CRISPLD2: variants seen among roughly 807,000 people sequenced by gnomAD.
CRISPLD2 encodes the protein cysteine-rich secretory protein LCCL domain-containing 2.
Under a neutral mutation model 71.1 loss-of-function variants are expected in CRISPLD2, and 47 were observed. The ratio of observed to expected loss-of-function variants is 0.66; its 90% CI spans 0.52 to 0.84. CRISPLD2 has a LOEUF of 0.84. Ranked by LOEUF, CRISPLD2 falls within the 40% of genes least tolerant of loss-of-function variation. The pLI, the probability that CRISPLD2 is intolerant of heterozygous loss-of-function variation, is 0.00. For missense variants in CRISPLD2, 830 were observed against 651.1 expected (o/e 1.27, Z -2.99); for synonymous variants, 317 against 250.1 (o/e 1.27, Z -2.52).
intron 1 of CRISPLD2, chr16:84,828,869 A>G (rs1158815691): frequency 6.6e-6 from 1 of 152,116 alleles, no homozygotes; most frequent in Non-Finnish European, 1.5e-5. Context: ...TTTTTTGCTC[A>G]ATTAAGCATC....
intron 6 of CRISPLD2, among the ~76,000 whole-genome samples, chr16:84,857,883 C>G (rs1309827136): frequency 6.6e-6 from 1 of 152,184 alleles, no homozygotes; most frequent in East Asian, 1.9e-4. Context: ...CACACATATG[C>G]CACTTCCATT....
intron 1 of CRISPLD2, among the ~76,000 whole-genome samples, chr16:84,825,086 G>A (rs982882815): frequency 6.6e-5 from 10 of 152,150 alleles, no homozygotes; most frequent in African/African-American, 2.4e-4. Context: ...CAGCCTGGGT[G>A]ACGGAGCGAG....
intron 1 of CRISPLD2, among the ~76,000 whole-genome samples, chr16:84,828,484 A>G (rs575961095): frequency 1.3e-5 from 2 of 152,224 alleles, no homozygotes; most frequent in Admixed American, 6.5e-5. Context: ...ATTCTTCTCT[A>G]TGCCTTTCCT....
At chr16:84,869,881 C>T (rs2071450791) in intron 8 of CRISPLD2, among the ~76,000 whole-genome samples, 1 of 152,212 alleles carries the variant, frequency 6.6e-6, no homozygotes, top group Admixed American at 6.5e-5. Flanking sequence ...AAGGTGAGCA[C>T]GTATTGGAGA....
intron 1 of CRISPLD2, among the ~76,000 whole-genome samples, chr16:84,829,890 C>T (rs1916444625): frequency 6.6e-6 from 1 of 152,270 alleles, no homozygotes; most frequent in Non-Finnish European, 1.5e-5. Context: ...GCGGCAGCCC[C>T]TTCCTCATCC....
At chr16:84,877,854 A>T (rs897757171) in intron 12 of CRISPLD2, among the ~76,000 whole-genome samples, 7 of 151,676 alleles carry the variant, frequency 4.6e-5, no homozygotes, top group Non-Finnish European at 8.8e-5. Context: ...GTCCCAAAAT[A>T]AATAAAATAC....
chr16:84,895,385 T>C (rs141821294), intron 14 of CRISPLD2, among the ~76,000 whole-genome samples: 2 of 152,308 alleles, frequency 1.3e-5, no homozygotes, highest in East Asian at 1.9e-4. Flanking sequence ...TGCCAAGATA[T>C]ACTTGTTCCT....
intron 6 of CRISPLD2, among the ~76,000 whole-genome samples, chr16:84,862,350 A>C (rs528332431): frequency 6.6e-6 from 1 of 152,020 alleles, no homozygotes; most frequent in African/African-American, 2.4e-5. Flanking sequence ...CTATAGGCAC[A>C]TGCCACCATG....
intron 11 of CRISPLD2, among the ~76,000 whole-genome samples, chr16:84,875,136 G>A (rs1353921081): frequency 1.3e-5 from 2 of 152,078 alleles, no homozygotes; most frequent in African/African-American, 4.8e-5. Context: ...AGCTACTTCG[G>A]AGTCTGAGAT....
intron 9 of CRISPLD2, 145 bp from the exon 10 acceptor site, chr16:84,872,847 C>G (rs1391276223): frequency 1.3e-5 from 13 of 1,024,182 alleles, no homozygotes; most frequent in African/African-American, 1.6e-5. Flanking sequence ...TGGTTACAGA[C>G]AGAGGCGAGA....
At chr16:84,867,323 G>C (rs1917569271) in intron 7 of CRISPLD2, among the ~76,000 whole-genome samples, 2 of 152,194 alleles carry the variant, frequency 1.3e-5, no homozygotes, top group African/African-American at 4.8e-5. Flanking sequence ...CTTTCAAAAG[G>C]GACCTGGGCT....
At position 84,868,928 on chromosome 16, in the gene CRISPLD2, C is replaced by A. The variant is rs1345662475; in HGVS notation, c.914+17C>A. The A allele has an allele frequency of 1.3e-6, 2 of 1,525,494 alleles. No homozygotes were observed. Among genetic ancestry groups the A allele is most frequent in the South Asian group, 1.2e-5 (1 of 85,288 alleles). 94.5% of individuals were successfully genotyped at this position (1,525,494 alleles called of 1,614,324 possible). A position where few individuals can be genotyped will look rare whatever the true frequency, so the allele number is the denominator to read the frequency against. On this transcript the variant is annotated intron_variant, in intron 8 of 14. Coordinates refer to ENST00000262424, the MANE Select transcript of CRISPLD2 (RefSeq NM_031476.4). ...GTGTAACAGGTGAGCCTGTGCTGGGCTGTCCTGCCACTGTAGCCTCTGAGT... is the reference window on the plus strand; with the variant it reads ...GTGTAACAGGTGAGCCTGTGCTGGGATGTCCTGCCACTGTAGCCTCTGAGT...
intron 5 of CRISPLD2, 131 bp from the exon 6 acceptor site, chr16:84,854,598 A>G (rs1449711388): frequency 2.9e-6 from 2 of 697,102 alleles, no homozygotes; most frequent in Non-Finnish European, 5.2e-6. Flanking sequence ...CCCGCTTCCC[A>G]CAGCACACAA....
chr16:84,866,968 A>T lies in CRISPLD2; in HGVS notation c.781A>T (p.Asn261Tyr), dbSNP rs1314497649. 7 of 1,613,936 alleles carry T rather than the reference A, an allele frequency of 4.3e-6. No individual in the cohort carries two copies. The highest frequency in any genetic ancestry group is 1.7e-5 in the Admixed American group (1 of 59,994). Residue 261 changes from asparagine (N) to tyrosine (Y), a missense_variant, in exon 7 of 15, where the codon AAC (asparagine) becomes TAC (tyrosine). Transcript: ENST00000262424. ...EVETAPIPEE[N>Y]HVWLQPRVMR... is the part of the protein sequence containing the mutation. ...GGAAACGGCTCCCATTCCTGAAGAA[A>T]ACCATGTTTGGCTCCAACCGAGGGT... is the stretch of plus-strand genomic sequence containing the variant.
At chr16:84,858,307 G>A (rs1233964026) in intron 6 of CRISPLD2, among the ~76,000 whole-genome samples, 1 of 152,134 alleles carries the variant, frequency 6.6e-6, no homozygotes, top group Non-Finnish European at 1.5e-5. Flanking sequence ...CTTTTGGGTC[G>A]CTTGATAAAT....
chr16:84,855,617 C>T lies in CRISPLD2; in HGVS notation c.709+788C>T, dbSNP rs143436982. On this transcript the variant is annotated intron_variant, in intron 6 of 14. Transcript: ENST00000262424. ...CTCAAATGTTAATCTCCTTTGGCAA[C>T]ACCCTCACAGACACACCCAGGATCA... Among the ~76,000 whole-genome samples, 991 of 152,326 alleles carry T rather than the reference C, an allele frequency of 6.5e-3. 9 individuals are homozygous for T. Among genetic ancestry groups the T allele is most frequent in the African/African-American group, 0.023 (936 of 41,564 alleles).
intron 10 of CRISPLD2, 87 bp downstream of exon 10, chr16:84,873,209 G>A (rs573261116): frequency 2.1e-5 from 32 of 1,494,398 alleles, no homozygotes; most frequent in African/African-American, 9.8e-5. Flanking sequence ...CACACAGGCC[G>A]GGCGTGGTGG....
intron 14 of CRISPLD2, among the ~76,000 whole-genome samples, chr16:84,894,732 G>C (rs1031583104): frequency 8.5e-5 from 13 of 152,112 alleles, no homozygotes; most frequent in African/African-American, 2.9e-4. Context: ...TTAGAAATAA[G>C]AAATTTACAT....
intron 14 of CRISPLD2, among the ~76,000 whole-genome samples, chr16:84,897,727 A>C (rs969685235): frequency 4.6e-5 from 7 of 151,714 alleles, no homozygotes; most frequent in Admixed American, 1.3e-4. Flanking sequence ...AGTGATTCTC[A>C]TGCCTCAGCC....
Sources: gnomAD v4.1 joint callset for allele counts (sites outside exome capture counted in the v4.1 genomes callset) on GRCh38, gnomAD v4.1.1 for gene constraint, MANE v1.5 for transcripts, NCBI Gene and HGNC (gene_info 2026-07-23, HGNC 2026-07-21) for gene names.